The following EYA2 variants were observed in gnomAD, a reference collection of about 807,000 sequenced individuals.
EYA2 encodes EYA transcriptional coactivator and phosphatase 2.
A neutral mutation model predicts 69.2 loss-of-function variants in EYA2; 31 were observed. The observed-to-expected ratio is 0.45, with a 90% CI of 0.34 to 0.60. The LOEUF (loss-of-function observed/expected upper bound fraction) is 0.60, where lower values mean the gene tolerates loss of function less well. Ranked by LOEUF, EYA2 falls within the 20% of genes least tolerant of loss-of-function variation. The probability of loss-of-function intolerance (pLI) is 0.02; values close to 1 mark genes in which losing one functional copy is unlikely to be tolerated. For synonymous variants in EYA2, 257 were observed against 279.4 expected (o/e 0.92, Z 0.80); for missense variants, 622 against 701.2 (o/e 0.89, Z 1.28).
chr20:47,092,739 C>G (rs970076576), intron 8 of EYA2, among the ~76,000 whole-genome samples: 1 of 152,182 alleles, frequency 6.6e-6, no homozygotes, highest in African/African-American at 2.4e-5. Context: ...ATAAGTACCA[C>G]TGGCAAGAAC....
intron 4 of EYA2, among the ~76,000 whole-genome samples, chr20:47,013,061 G>A (rs1207286311): frequency 6.6e-6 from 1 of 152,138 alleles, no homozygotes; most frequent in Non-Finnish European, 1.5e-5. Context: ...GCAAACAAAA[G>A]AAGAGATGAA....
Position 46,919,329 on chromosome 20 carries a change from G to T in EYA2, c.-11+24342G>T, listed in dbSNP as rs551237378. 9.8e-5 allele frequency among the ~76,000 whole-genome samples: 15 copies of T among 152,318 alleles called. 1 individual carries two copies. The South Asian group carries it at 1.2e-3, about 13-fold the overall frequency. On this transcript the variant is annotated intron_variant, in intron 1 of 15. Coordinates refer to ENST00000327619, the MANE Select transcript of EYA2 (RefSeq NM_005244.5). ...CCCTAGATGGGATCTTCTTCCAATCGAATGCTGTTTTGTCTGCATTAAGAA... is the reference window on the plus strand; with the variant it reads ...CCCTAGATGGGATCTTCTTCCAATCTAATGCTGTTTTGTCTGCATTAAGAA...
At chr20:47,018,942 G>A (rs555593771) in intron 5 of EYA2, among the ~76,000 whole-genome samples, 26 of 152,290 alleles carry the variant, frequency 1.7e-4, no homozygotes, top group African/African-American at 5.5e-4. Context: ...CCTAATGTCT[G>A]CACATAAACA....
At chr20:47,053,886 C>T (rs117011607) in intron 5 of EYA2, among the ~76,000 whole-genome samples, 2,163 of 151,638 alleles carry the variant, frequency 0.014, 30 homozygotes, top group Non-Finnish European at 0.024. Flanking sequence ...GGTTAGGATC[C>T]GAGTAGAGTC....
chr20:47,172,980 G>A (rs1469187072), intron 12 of EYA2, 113 bp downstream of exon 12: 4 of 1,229,280 alleles, frequency 3.3e-6, no homozygotes, highest in Non-Finnish European at 4.5e-6. Flanking sequence ...TTCAGTACCA[G>A]CCCACTTAAT....
chr20:46,944,760 G>A (rs1341393632), intron 1 of EYA2, among the ~76,000 whole-genome samples: 1 of 152,302 alleles, frequency 6.6e-6, no homozygotes, highest in Non-Finnish European at 1.5e-5. Context: ...GGAGAAGAGT[G>A]TAAAAGGTGA....
At chr20:47,148,452 G>A (rs1439765986) in intron 10 of EYA2, among the ~76,000 whole-genome samples, 1 of 152,150 alleles carries the variant, frequency 6.6e-6, no homozygotes, top group African/African-American at 2.4e-5. Flanking sequence ...TTGTTTAATT[G>A]CTACATATTT....
chr20:47,154,822 TG>T (rs199991465), intron 10 of EYA2, among the ~76,000 whole-genome samples: 2 of 91,172 alleles, frequency 2.2e-5, no homozygotes, highest in Non-Finnish European at 4.4e-5. Context: ...TTTTGTTTTG[TG>T]TGTGTGTGTG....
intron 5 of EYA2, among the ~76,000 whole-genome samples, chr20:47,016,814 G>A (rs1312349870): frequency 6.6e-6 from 1 of 152,202 alleles, no homozygotes; most frequent in African/African-American, 2.4e-5. Context: ...AAAGTCAGAA[G>A]GCATGTAGGA....
At chr20:47,116,994 A>ATT (rs11482114) in intron 9 of EYA2, among the ~76,000 whole-genome samples, 23,618 of 116,854 alleles carry the variant, frequency 0.2, 3,146 homozygotes, top group Middle Eastern at 0.26. Flanking sequence ...ATGCATCTGC[A>ATT]TTTTTTTTTT....
intron 2 of EYA2, among the ~76,000 whole-genome samples, chr20:46,992,038 C>G (rs1350818126): frequency 7.1e-6 from 1 of 141,552 alleles, no homozygotes; most frequent in African/African-American, 2.6e-5. Context: ...TGGCTGCCAC[C>G]AGTAGGAGCT....
chr20:47,166,392 C>T (rs1442539381), intron 10 of EYA2, among the ~76,000 whole-genome samples: 2 of 18,314 alleles, frequency 1.1e-4, no homozygotes, highest in African/African-American at 4.9e-4. Flanking sequence ...GCAAGACTGT[C>T]TAAAAAAAAA....
intron 1 of EYA2, among the ~76,000 whole-genome samples, chr20:46,905,856 T>G (rs1458365901): frequency 6.6e-6 from 1 of 152,224 alleles, no homozygotes; most frequent in East Asian, 1.9e-4. Context: ...CTTAGGGTAC[T>G]GTGGAATTGG....
intron 5 of EYA2, among the ~76,000 whole-genome samples, chr20:47,059,816 G>A (rs769266763): frequency 3.9e-5 from 6 of 152,152 alleles, no homozygotes; most frequent in Non-Finnish European, 7.4e-5. Context: ...CCATCATCAG[G>A]ACCCAGGCCA....
chr20:47,043,644 A>G (rs924511015), intron 5 of EYA2, among the ~76,000 whole-genome samples: 2 of 152,206 alleles, frequency 1.3e-5, no homozygotes, highest in African/African-American at 4.8e-5. Context: ...TCTGTTCCAC[A>G]GTATCTTTGT....
chr20:47,097,023 G>A lies in EYA2; in HGVS notation c.805-62G>A, dbSNP rs2032266769. The A allele has an allele frequency of 3.0e-5, 36 of 1,195,066 alleles. No individual in the cohort carries two copies. In the South Asian group the frequency reaches 4.6e-4, roughly 15 times the overall value. 74.0% of individuals were successfully genotyped at this position (1,195,066 alleles called of 1,614,324 possible). ...TCCTCCAAGGGAATGAATTTCTGCA[G>A]ACATTAAGTCAGATGCACGTGAGTC... On this transcript the variant is annotated intron_variant, in intron 8 of 15. Transcript: ENST00000327619.
chr20:46,997,166 C>T (rs1568713291), intron 2 of EYA2, among the ~76,000 whole-genome samples: 2 of 152,178 alleles, frequency 1.3e-5, no homozygotes, highest in East Asian at 3.8e-4. Context: ...CAGGCCAGCA[C>T]CTGGGCAAAG....
At chr20:47,006,951 G>C (rs1178372876) in intron 4 of EYA2, among the ~76,000 whole-genome samples, 2 of 152,026 alleles carry the variant, frequency 1.3e-5, no homozygotes, top group Non-Finnish European at 2.9e-5. Context: ...CTTTTTTTGA[G>C]ACAGCATCTC....
At chr20:47,039,483 C>T (rs956470524) in intron 5 of EYA2, among the ~76,000 whole-genome samples, 4 of 152,132 alleles carry the variant, frequency 2.6e-5, no homozygotes, top group Non-Finnish European at 4.4e-5. Context: ...AAATATTTAC[C>T]GTCTGTCCCT....
Sources: gnomAD v4.1 joint callset for allele counts (sites outside exome capture counted in the v4.1 genomes callset) on GRCh38, gnomAD v4.1.1 for gene constraint, MANE v1.5 for transcripts, NCBI Gene and HGNC (gene_info 2026-07-23, HGNC 2026-07-21) for gene names.